RBMS3: variants seen among roughly 807,000 people sequenced by gnomAD.
The protein encoded by RBMS3 is RNA-binding motif, single-stranded-interacting protein 3.
In RBMS3, 27 loss-of-function variants were observed where a neutral mutation model predicts 66.8. The observed-to-expected ratio is 0.40, with a 90% confidence interval of 0.30 to 0.56. RBMS3 has a LOEUF of 0.56. Ranked by LOEUF, RBMS3 falls within the 20% of genes least tolerant of loss-of-function variation. RBMS3 has a pLI of 0.40. For missense variants in RBMS3, 513 were observed against 549.5 expected, an observed-to-expected ratio of 0.93 and a Z score of 0.66; for synonymous variants, 188 against 183.0, an observed-to-expected ratio of 1.03 and a Z score of -0.22.
chr3:29,319,466 G>T lies in RBMS3; in HGVS notation c.75+37710G>T, dbSNP rs375469869. Among the ~76,000 whole-genome samples the T allele has an allele frequency of 1.5e-3, 235 of 152,030 alleles. 8 individuals are homozygous for T. The South Asian group carries it at 0.048, about 31-fold the overall frequency. On this transcript the variant is annotated intron_variant, in intron 1 of 14. Transcript: ENST00000383767. Reference sequence around the variant, plus strand: ...ACTTCCCCTTTATCTGTACTGGTTTGACTGTATAGAAAAAGATGCAGAAAT... The same window carrying T: ...ACTTCCCCTTTATCTGTACTGGTTTTACTGTATAGAAAAAGATGCAGAAAT...
chr3:30,000,638 C>T (rs945711154), intron 14 of RBMS3, among the ~76,000 whole-genome samples: 1 of 152,024 alleles, frequency 6.6e-6, no homozygotes. Flanking sequence ...TGGAACCAAC[C>T]CAAATGCCCA....
Position 30,005,056 on chromosome 3 carries a change from C to T in RBMS3, c.*1194C>T, listed in dbSNP as rs894196546. On this transcript the variant is annotated 3_prime_UTR_variant, in exon 15 of 15. Coordinates refer to ENST00000383767, the MANE Select transcript of RBMS3 (RefSeq NM_001003793.3). Reference sequence around the variant, plus strand: ...TTTTATACCAAAGATGAAGTGACACCCTATTACAGTCCAGAAGATAGAGGT... The same window carrying T: ...TTTTATACCAAAGATGAAGTGACACTCTATTACAGTCCAGAAGATAGAGGT... 1 of 151,128 alleles carries T rather than the reference C, an allele frequency of 6.6e-6. No homozygotes were observed. The highest frequency in any genetic ancestry group is 1.9e-4 in the East Asian group (1 of 5,156). The allele number at this position is 151,128 out of a possible 1,614,324, so 9.4% of individuals were successfully genotyped here.
At chr3:29,628,089 G>A (rs1166983773) in intron 4 of RBMS3, among the ~76,000 whole-genome samples, 1 of 152,118 alleles carries the variant, frequency 6.6e-6, no homozygotes, top group African/African-American at 2.4e-5. Flanking sequence ...ATATAAAACA[G>A]AAACTGATAC....
At chr3:29,836,748 A>T (rs573264157) in intron 6 of RBMS3, among the ~76,000 whole-genome samples, 1 of 151,628 alleles carries the variant, frequency 6.6e-6, no homozygotes, top group East Asian at 1.9e-4. Context: ...AGAGATATGC[A>T]TGTTAATTAG....
chr3:29,392,724 C>T (rs2039357254), intron 1 of RBMS3, among the ~76,000 whole-genome samples: 1 of 152,106 alleles, frequency 6.6e-6, no homozygotes, highest in African/African-American at 2.4e-5. Context: ...GACATACACA[C>T]AGACACACAA....
chr3:29,578,232 T>C (rs748357164), intron 3 of RBMS3, among the ~76,000 whole-genome samples: 1 of 152,206 alleles, frequency 6.6e-6, no homozygotes, highest in Non-Finnish European at 1.5e-5. Flanking sequence ...AGCAGTTTGT[T>C]TTGAAGGTAG....
rs1361525514 is a variant in RBMS3 at position 29,829,652 on chromosome 3, TA to T, written c.638-39202del. On this transcript the variant is annotated intron_variant, in intron 6 of 14. Transcript: ENST00000383767. ...ACCCAACCATTGAGCATATACTTTT[TA>T]AAATATTTATATTCTGCCTAGAGTT... is the stretch of plus-strand genomic sequence containing the variant. Among the ~76,000 whole-genome samples the T allele has an allele frequency of 4.6e-5, 7 of 152,164 alleles. No individual in the cohort carries two copies. The East Asian group carries it at 1.3e-3, about 29-fold the overall frequency.
chr3:29,540,549 G>A (rs1321173434), intron 3 of RBMS3, among the ~76,000 whole-genome samples: 1 of 152,116 alleles, frequency 6.6e-6, no homozygotes, highest in Admixed American at 6.5e-5. Flanking sequence ...TCTGATCTGT[G>A]CTGAGCTCTG....
chr3:29,825,939 C>T (rs1036999619), intron 6 of RBMS3, among the ~76,000 whole-genome samples: 5 of 152,176 alleles, frequency 3.3e-5, no homozygotes, highest in Admixed American at 2.0e-4. Context: ...ACGTCTTCTA[C>T]ATGTAGTAAA....
intron 3 of RBMS3, among the ~76,000 whole-genome samples, chr3:29,510,665 C>T (rs2044362664): frequency 6.6e-6 from 1 of 152,032 alleles, no homozygotes; most frequent in Non-Finnish European, 1.5e-5. Context: ...TTTCTTGGAG[C>T]ATGAATTTTG....
At chr3:29,446,691 C>A (rs1267620587) in intron 2 of RBMS3, among the ~76,000 whole-genome samples, 1 of 151,960 alleles carries the variant, frequency 6.6e-6, no homozygotes. Context: ...AAAAGGATAC[C>A]AAGCATTTCA....
At chr3:29,662,323 C>T (rs1435445639) in intron 4 of RBMS3, among the ~76,000 whole-genome samples, 1 of 152,108 alleles carries the variant, frequency 6.6e-6, no homozygotes. Flanking sequence ...TCTATATTAC[C>T]TGTTTATAGA....
intron 2 of RBMS3, among the ~76,000 whole-genome samples, chr3:29,463,899 C>A (rs951192291): frequency 2.6e-5 from 4 of 152,104 alleles, no homozygotes; most frequent in Non-Finnish European, 4.4e-5. Flanking sequence ...CTTTTCTATT[C>A]CTGGATAACT....
chr3:29,284,813 A>G (rs938477182), intron 1 of RBMS3, among the ~76,000 whole-genome samples: 7 of 144,360 alleles, frequency 4.8e-5, no homozygotes, highest in Non-Finnish European at 4.5e-5. Flanking sequence ...TTCACACCTC[A>G]CGTCTTTAAA....
intron 4 of RBMS3, among the ~76,000 whole-genome samples, chr3:29,721,839 A>G (rs369580922): frequency 6.6e-6 from 1 of 152,134 alleles, no homozygotes; most frequent in Admixed American, 6.6e-5. Context: ...ACTATTGCCT[A>G]TTGATGCCTG....
chr3:29,970,447 A>AT (rs958037000), intron 12 of RBMS3, among the ~76,000 whole-genome samples: 55 of 151,886 alleles, frequency 3.6e-4, no homozygotes, highest in African/African-American at 1.2e-3. Context: ...CATTAGTTTT[A>AT]TTTTTTTTCG....
rs368725662 is a variant in RBMS3, at chr3:29,742,829, T to C, written c.557+2952T>C. ...AGAATAGCTAAATTCATTGGTCTTTTACAACTTTGAGCTTCAAATATGAAT... is the reference window on the plus strand; with the variant it reads ...AGAATAGCTAAATTCATTGGTCTTTCACAACTTTGAGCTTCAAATATGAAT... On this transcript the variant is annotated intron_variant, in intron 5 of 14. Transcript: ENST00000383767. 1.1e-4 allele frequency among the ~76,000 whole-genome samples: 17 copies of C among 152,338 alleles called. 2 individuals carry two copies. In the South Asian group the frequency reaches 3.5e-3, roughly 32 times the overall value.
At chr3:29,506,527 G>T (rs986768878) in intron 3 of RBMS3, among the ~76,000 whole-genome samples, 7 of 151,842 alleles carry the variant, frequency 4.6e-5, no homozygotes, top group Admixed American at 2.6e-4. Context: ...AGGGATATTC[G>T]CCTGTAATAT....
At chr3:29,664,447 G>A (rs563916009) in intron 4 of RBMS3, among the ~76,000 whole-genome samples, 2 of 151,864 alleles carry the variant, frequency 1.3e-5, no homozygotes, top group Admixed American at 6.6e-5. Context: ...GAGATGGCAC[G>A]ACTGCACTCC....
Sources: gnomAD v4.1 joint callset for allele counts (sites outside exome capture counted in the v4.1 genomes callset) on GRCh38, gnomAD v4.1.1 for gene constraint, MANE v1.5 for transcripts, NCBI Gene and HGNC (gene_info 2026-07-23, HGNC 2026-07-21) for gene names.